The following KBTBD2 variants were observed in gnomAD, a reference collection of about 807,000 sequenced individuals.
The protein encoded by KBTBD2 is kelch repeat and BTB domain containing 2.
In KBTBD2, 17 loss-of-function variants were observed where a neutral mutation model predicts 57.1. The observed-to-expected ratio is 0.30, with a 90% confidence interval of 0.20 to 0.45. The LOEUF is 0.45. KBTBD2 is among the 20% of genes least tolerant of loss of function. The pLI is 1.00. For synonymous variants in KBTBD2, 267 were observed against 262.7 expected (o/e 1.02, Z -0.16); for missense variants, 515 against 750.6 (o/e 0.69, Z 3.67).
intron 2 of KBTBD2, among the ~76,000 whole-genome samples, chr7:32,879,144 A>T (rs1784388999): frequency 7.4e-6 from 1 of 135,706 alleles, no homozygotes; most frequent in Non-Finnish European, 1.6e-5. Context: ...CTCAAAGTGT[A>T]AATTATCCCA....
chr7:32,870,850 A>T lies in KBTBD2; in HGVS notation c.367T>A (p.Tyr123Asn). ...TCTGCATTTATTTTTTTAATTAAAT[A>T]TTCTCGACAACGTTGTAACACATCT... ...VEDVLQRCRE[Y>N]LIKKINAENC... Residue 123 changes from tyrosine (Y) to asparagine (N), a missense_variant, in exon 4 of 4, where the codon TAT becomes AAT. Physicochemically the swap from Tyr to Asn is moderately radical, Grantham distance 143 (BLOSUM62 -2). Coordinates refer to ENST00000304056, the MANE Select transcript of KBTBD2 (RefSeq NM_015483.3). 1.3e-6 allele frequency: 2 copies of T among 1,590,726 alleles called. No individual in the cohort carries two copies. The highest frequency in any genetic ancestry group is 1.7e-6 in the Non-Finnish European group (2 of 1,172,784).
chr7:32,877,286 G>A (rs896347904), intron 2 of KBTBD2, among the ~76,000 whole-genome samples: 1 of 151,958 alleles, frequency 6.6e-6, no homozygotes, highest in African/African-American at 2.4e-5. Context: ...CAAAGTGCTG[G>A]GATTACAGGC....
intron 2 of KBTBD2, among the ~76,000 whole-genome samples, chr7:32,876,616 A>AG (rs1163462156): frequency 1.3e-5 from 2 of 152,226 alleles, no homozygotes; most frequent in African/African-American, 4.8e-5. Context: ...ACAATAATAT[A>AG]CCTAAGAGGT....
At chr7:32,891,507 C>A (rs1287059545) in intron 1 of KBTBD2, 29 bp downstream of exon 1, 1 of 151,334 alleles carries the variant, frequency 6.6e-6, no homozygotes. Context: ...GGGCTCCCAG[C>A]CTGCCCGGCG....
At chr7:32,878,694 C>T (rs1415219979) in intron 2 of KBTBD2, among the ~76,000 whole-genome samples, 1 of 152,116 alleles carries the variant, frequency 6.6e-6, no homozygotes, top group African/African-American at 2.4e-5. Flanking sequence ...TTTAATTCAC[C>T]TTTATTCTCC....
intron 1 of KBTBD2, among the ~76,000 whole-genome samples, chr7:32,889,263 C>T (rs1270855913): frequency 6.6e-6 from 1 of 151,670 alleles, no homozygotes; most frequent in African/African-American, 2.4e-5. Flanking sequence ...CGCACTCCAG[C>T]CTGGGCGACA....
At chr7:32,882,494 A>G (rs956513818) in intron 1 of KBTBD2, among the ~76,000 whole-genome samples, 1 of 152,204 alleles carries the variant, frequency 6.6e-6, no homozygotes, top group South Asian at 2.1e-4. Flanking sequence ...AAAACAATTG[A>G]AGTCTGCTTC....
chr7:32,875,154 G>A lies in KBTBD2; in HGVS notation c.174C>T (p.Ala58=). 1.9e-6 allele frequency: 3 copies of A among 1,613,758 alleles called. No individual in the cohort carries two copies. The highest frequency in any genetic ancestry group is 1.1e-5 in the South Asian group (1 of 91,040). ...VLATCSSYFR[A]MFMSGLSESK... ...TTTCACTTAGTCCACTCATAAACAT[G>A]GCCCTACAGGGGAGATGAAGAAAAC... The change falls in exon 3 of 4, where the codon GCC becomes GCT. Residue 58 remains alanine, a synonymous_variant. Coordinates refer to ENST00000304056, the MANE Select transcript of KBTBD2 (RefSeq NM_015483.3).
At chr7:32,887,090 C>T (rs1188853990) in intron 1 of KBTBD2, among the ~76,000 whole-genome samples, 6 of 152,010 alleles carry the variant, frequency 3.9e-5, no homozygotes, top group Non-Finnish European at 7.4e-5. Context: ...GCAAAGCAAG[C>T]TTTTCCAATG....
Position 32,869,463 on chromosome 7 carries a change from T to C in KBTBD2, c.1754A>G (p.Lys585Arg). Residue 585 changes from lysine (K) to arginine (R), a missense_variant, in exon 4 of 4, where the codon AAA (lysine) becomes AGA (arginine). Coordinates refer to ENST00000304056, the MANE Select transcript of KBTBD2 (RefSeq NM_015483.3). ...CTCTTCAAGGCAGGATGGATAGAGT[T>C]TCCCCACAGTGCATCGAAAATCTCT... ...LGRDFRCTVG[K>R]LYPSCLEESP... is the part of the protein sequence containing the mutation. The C allele has an allele frequency of 6.2e-7, 1 of 1,614,098 alleles. No homozygotes were observed. Among genetic ancestry groups the C allele is most frequent in the Non-Finnish European group, 8.5e-7 (1 of 1,179,980 alleles).
At chr7:32,884,612 C>T (rs974506294) in intron 1 of KBTBD2, among the ~76,000 whole-genome samples, 4 of 148,986 alleles carry the variant, frequency 2.7e-5, no homozygotes, top group African/African-American at 9.9e-5. Context: ...ATGGCTTGAA[C>T]CCAGGAGGAG....
chr7:32,869,454 GGATA>G lies in KBTBD2; in HGVS notation c.1759_1762del (p.Tyr587HisfsTer46). 6.2e-7 allele frequency: 1 copy of G among 1,614,052 alleles called. No homozygotes were observed. Among genetic ancestry groups the G allele is most frequent in the Non-Finnish European group, 8.5e-7 (1 of 1,179,928 alleles). On this transcript the variant is annotated frameshift_variant, in exon 4 of 4. Coordinates refer to ENST00000304056, the MANE Select transcript of KBTBD2 (RefSeq NM_015483.3). LOFTEE classifies it high-confidence loss of function. ...CCATGGAGACTCTTCAAGGCAGGAT[GGATA>G]GAGTTTCCCCACAGTGCATCGAAAA... is the stretch of plus-strand genomic sequence containing the variant.
chr7:32,882,044 C>A (rs1055851794), intron 1 of KBTBD2, among the ~76,000 whole-genome samples: 1 of 151,528 alleles, frequency 6.6e-6, no homozygotes, highest in Non-Finnish European at 1.5e-5. Context: ...CCTCACGTTA[C>A]TTCAGGTCAG....
intron 1 of KBTBD2, among the ~76,000 whole-genome samples, chr7:32,884,518 C>T (rs1784520891): frequency 1.3e-5 from 2 of 151,676 alleles, no homozygotes; most frequent in South Asian, 2.1e-4. Flanking sequence ...GGTGAAACCC[C>T]GTCTCTACTA....
intron 3 of KBTBD2, among the ~76,000 whole-genome samples, chr7:32,874,364 G>C (rs1784257098): frequency 1.3e-5 from 2 of 151,724 alleles, no homozygotes; most frequent in African/African-American, 4.8e-5. Context: ...CGCGCCACTA[G>C]ACTCCAGCCT....
Position 32,870,503 on chromosome 7 carries a change from T to G in KBTBD2, c.714A>C (p.Pro238=). Residue 238 remains proline (P), a synonymous_variant, in exon 4 of 4, where the codon CCA becomes CCC. Transcript: ENST00000304056. ...GAACCACCACTGACTTATCATTGGGTGGCAGACCTTGAAACCAAGCTCTCT... is the reference window on the plus strand; with the variant it reads ...GAACCACCACTGACTTATCATTGGGGGGCAGACCTTGAAACCAAGCTCTCT... ...VTQRAWFQGL[P]PNDKSVVVQG... 1 of 1,614,090 alleles carries G rather than the reference T, an allele frequency of 6.2e-7. No individual in the cohort carries two copies. The highest frequency in any genetic ancestry group is 1.1e-5 in the South Asian group (1 of 91,066).
rs1784102889 is a variant in KBTBD2 at position 32,869,191 on chromosome 7, T to C, written c.*154A>G. The C allele has an allele frequency of 6.8e-6, 4 of 591,834 alleles. No homozygotes were observed. The highest frequency in any genetic ancestry group is 5.6e-5 in the African/African-American group (3 of 53,832). 36.7% of individuals were successfully genotyped at this position (591,834 alleles called of 1,614,324 possible). A position where few individuals can be genotyped will look rare whatever the true frequency, so the allele number is the denominator to read the frequency against. On this transcript the variant is annotated 3_prime_UTR_variant, in exon 4 of 4. Transcript: ENST00000304056. ...TTTCTGTAAGACTCACTGATATATA[T>C]TATACTGATGCAAATATTAAGTAGG...
In KBTBD2 at chr7:32,870,395, T is replaced by A; in HGVS notation, c.822A>T (p.Ala274=). 1 of 1,613,822 alleles carries A rather than the reference T, an allele frequency of 6.2e-7. No individual in the cohort carries two copies. The highest frequency in any genetic ancestry group is 8.5e-7 in the Non-Finnish European group (1 of 1,179,880). ...TKEEMMIFIE[A]SSENPCSLYS... is the part of the protein sequence containing the mutation. ...AAAGACTACAAGGATTTTCTGAAGA[T>A]GCTTCAATGAAAATCATCATTTCCT... Residue 274 remains alanine (A), a synonymous_variant, in exon 4 of 4, where the codon GCA becomes GCT. Coordinates refer to ENST00000304056, the MANE Select transcript of KBTBD2 (RefSeq NM_015483.3).
chr7:32,884,743 A>C (rs1784526442), intron 1 of KBTBD2, among the ~76,000 whole-genome samples: 1 of 151,672 alleles, frequency 6.6e-6, no homozygotes, highest in Non-Finnish European at 1.5e-5. Context: ...AAGGTACACT[A>C]TTCTCTCTTC....
Sources: gnomAD v4.1 joint callset for allele counts (sites outside exome capture counted in the v4.1 genomes callset) on GRCh38, gnomAD v4.1.1 for gene constraint, MANE v1.5 for transcripts, NCBI Gene and HGNC (gene_info 2026-07-23, HGNC 2026-07-21) for gene names.